Variants in NDUFAF5 observed in about 807,000 individuals in gnomAD.
The protein encoded by NDUFAF5 is NADH:ubiquinone oxidoreductase complex assembly factor 5, also known as arginine-hydroxylase NDUFAF5, mitochondrial.
NDUFAF5 carries 34 observed loss-of-function variants against 48.9 expected under a neutral mutation model. The observed-to-expected ratio is 0.70, with a 90% confidence interval of 0.53 to 0.93. The LOEUF is 0.93. Ranked by LOEUF, NDUFAF5 falls within the 40% of genes least tolerant of loss-of-function variation. The pLI, the probability that NDUFAF5 is intolerant of heterozygous loss-of-function variation, is 0.00. For missense variants in NDUFAF5, 428 were observed against 427.5 expected (o/e 1.00, Z -0.01); for synonymous variants, 153 against 150.6 (o/e 1.02, Z -0.12).
Position 13,794,870 on chromosome 20 carries a change from C to A in NDUFAF5, c.408C>A (p.Val136=), listed in dbSNP as rs777268943. The A allele has an allele frequency of 1.3e-5, 21 of 1,612,826 alleles. No homozygotes were observed. Among genetic ancestry groups the A allele is most frequent in the African/African-American group, 1.3e-5 (1 of 74,904 alleles). The change falls in exon 5 of 11, where the codon GTC becomes GTA. Residue 136 remains valine (V), a synonymous_variant. Transcript: ENST00000378106. ...KNSSETEIPT[V]SVLADEEFLP... Reference sequence around the variant, plus strand: ...CCTCAGAAACAGAAATACCTACTGTCAGCGTTTTAGCTGATGAAGAATTCC... The same window carrying A: ...CCTCAGAAACAGAAATACCTACTGTAAGCGTTTTAGCTGATGAAGAATTCC...
intron 7 of NDUFAF5, among the ~76,000 whole-genome samples, chr20:13,803,788 A>G (rs1984573124): frequency 6.6e-6 from 1 of 151,768 alleles, no homozygotes; most frequent in African/African-American, 2.4e-5. Flanking sequence ...ATTTTCTTTT[A>G]ATTTTTTTTT....
At chr20:13,815,160 A>C (rs776758229) in intron 8 of NDUFAF5, among the ~76,000 whole-genome samples, 16 of 152,206 alleles carry the variant, frequency 1.1e-4, no homozygotes, top group Non-Finnish European at 2.2e-4. Flanking sequence ...CTAATGCATA[A>C]TTAAGCCATA....
At chr20:13,804,518 A>G (rs1382902580) in intron 7 of NDUFAF5, among the ~76,000 whole-genome samples, 1 of 152,040 alleles carries the variant, frequency 6.6e-6, no homozygotes. Flanking sequence ...TGTATTTCCA[A>G]TATACTGTTA....
Position 13,803,084 on chromosome 20 carries a change from G to T in NDUFAF5, c.717+1401G>T, listed in dbSNP as rs937141866. The T allele has an allele frequency of 2.0e-5, 3 of 152,216 alleles. No homozygotes were observed. In the South Asian group the frequency reaches 6.2e-4, roughly 31 times the overall value. The allele number at this position is 152,216 out of a possible 1,614,324, so 9.4% of individuals were successfully genotyped here. ...AAATAGCTGTTTGGCATGATTTTGT[G>T]TGAATATATTCATGAAATCAACCAA... On this transcript the variant is annotated intron_variant, in intron 7 of 10. Transcript: ENST00000378106.
chr20:13,791,354 A>G (rs886866419), intron 3 of NDUFAF5, among the ~76,000 whole-genome samples: 2 of 152,200 alleles, frequency 1.3e-5, no homozygotes, highest in African/African-American at 4.8e-5. Context: ...AAATATGATC[A>G]ATAATACCCA....
intron 7 of NDUFAF5, among the ~76,000 whole-genome samples, chr20:13,806,527 A>T (rs535726009): frequency 1.2e-4 from 19 of 152,182 alleles, no homozygotes; most frequent in East Asian, 7.7e-4. Flanking sequence ...AAAATAAAAT[A>T]AAAAAAATGG....
intron 6 of NDUFAF5, among the ~76,000 whole-genome samples, chr20:13,799,832 G>C (rs186155259): frequency 2.0e-3 from 301 of 152,180 alleles, no homozygotes; most frequent in South Asian, 3.9e-3. Flanking sequence ...GAGTATTTAG[G>C]ACTCTACAAG....
chr20:13,801,675 C>G lies in NDUFAF5; in HGVS notation c.709C>G (p.Leu237Val). 6.2e-7 allele frequency: 1 copy of G among 1,613,486 alleles called. No homozygotes were observed. Among genetic ancestry groups the G allele is most frequent in the South Asian group, 1.1e-5 (1 of 91,068 alleles). Residue 237 changes from leucine to valine, a missense_variant, in exon 7 of 11, where the codon CTG becomes GTG. Leu to Val is a conservative substitution (Grantham distance 32). Coordinates refer to ENST00000378106, the MANE Select transcript of NDUFAF5 (RefSeq NM_024120.5). ...HLLGRAGFNT[L>V]TVDTDEIQVN... ...GCTTGGGAGAGCTGGCTTTAATACTCTGACTGTGGTAACTATCAAGTTCGA... is the reference window on the plus strand; with the variant it reads ...GCTTGGGAGAGCTGGCTTTAATACTGTGACTGTGGTAACTATCAAGTTCGA...
In NDUFAF5 at chr20:13,821,071, A is replaced by G. The variant is rs542640093; in HGVS notation, c.*3861A>G. The G allele has an allele frequency of 2.9e-4, 44 of 152,240 alleles. No individual in the cohort carries two copies. The highest frequency in any genetic ancestry group is 8.5e-4 in the Admixed American group (13 of 15,272). 9.4% of individuals were successfully genotyped at this position (152,240 alleles called of 1,614,324 possible). On this transcript the variant is annotated 3_prime_UTR_variant, in exon 11 of 11. Coordinates refer to ENST00000378106, the MANE Select transcript of NDUFAF5 (RefSeq NM_024120.5). Reference sequence around the variant, plus strand: ...TAAAAAACATCAATTTGAAAATACTAGAAGGTGGGGTGAACACTGATAAGT... The same window carrying G: ...TAAAAAACATCAATTTGAAAATACTGGAAGGTGGGGTGAACACTGATAAGT...
intron 8 of NDUFAF5, among the ~76,000 whole-genome samples, chr20:13,812,053 C>A (rs1985936657): frequency 6.6e-6 from 1 of 152,164 alleles, no homozygotes; most frequent in South Asian, 2.1e-4. Flanking sequence ...ATAATTAGGG[C>A]CAAAGAGAAC....
In NDUFAF5 at chr20:13,818,326, ATTG is replaced by A. The variant is rs1484507874; in HGVS notation, c.*1119_*1121del. ...AAGATTTGTAGGAGAAAAAGAAATT[ATTG>A]TTCCCTTCAGTTTGAAAAATCATCG... On this transcript the variant is annotated 3_prime_UTR_variant, in exon 11 of 11. Transcript: ENST00000378106. The A allele has an allele frequency of 2.4e-6, 1 of 425,238 alleles. No homozygotes were observed. The highest frequency in any genetic ancestry group is 4.7e-6 in the Non-Finnish European group (1 of 212,982). 26.3% of individuals were successfully genotyped at this position (425,238 alleles called of 1,614,324 possible). A position where few individuals can be genotyped will look rare whatever the true frequency, so the allele number is the denominator to read the frequency against.
chr20:13,801,796 C>A, intron 7 of NDUFAF5, 113 bp downstream of exon 7: 1 of 871,798 alleles, frequency 1.1e-6, no homozygotes, highest in Non-Finnish European at 1.8e-6. Flanking sequence ...TCTTTCTCTC[C>A]CTTTTTTTTT....
rs373583993 is a variant in NDUFAF5, at chr20:13,820,719, G to C, written c.*3509G>C. The C allele has an allele frequency of 6.6e-6, 1 of 151,968 alleles. No individual in the cohort carries two copies. Among genetic ancestry groups the C allele is most frequent in the African/African-American group, 2.4e-5 (1 of 41,352 alleles). The allele number at this position is 151,968 out of a possible 1,614,324, so 9.4% of individuals were successfully genotyped here. ...AAGAAAAAAAAAAAGTACAATTTTT[G>C]TATTGATTATGTATTCCTTAAGTAG... On this transcript the variant is annotated 3_prime_UTR_variant, in exon 11 of 11. Transcript: ENST00000378106.
intron 7 of NDUFAF5, among the ~76,000 whole-genome samples, chr20:13,808,126 A>G (rs1343326391): frequency 1.3e-5 from 2 of 152,104 alleles, no homozygotes; most frequent in Admixed American, 1.3e-4. Context: ...GTTCTATAAG[A>G]TCACCACAGC....
At chr20:13,791,418 G>A (rs79893226) in intron 3 of NDUFAF5, among the ~76,000 whole-genome samples, 5,446 of 152,306 alleles carry the variant, frequency 0.036, 142 homozygotes, top group African/African-American at 0.068. Context: ...TGTCAAAGGA[G>A]GCTATAGTTC....
At chr20:13,803,675 T>G (rs1303560145) in intron 7 of NDUFAF5, among the ~76,000 whole-genome samples, 1 of 152,236 alleles carries the variant, frequency 6.6e-6, no homozygotes, top group Non-Finnish European at 1.5e-5. Context: ...ATTCACTATA[T>G]TAGACATTAA....
chr20:13,785,182 C>A lies in NDUFAF5; in HGVS notation c.114C>A (p.Ser38Arg), dbSNP rs369277594. 61 of 1,613,770 alleles carry A rather than the reference C, an allele frequency of 3.8e-5. No individual in the cohort carries two copies. The highest frequency in any genetic ancestry group is 4.9e-5 in the Non-Finnish European group (58 of 1,179,898). ...CCTCTGGTGTCTCTCCCCGCGGTAGCACCTCGCCCAGAACCCTGAATATTT... is the reference window on the plus strand; with the variant it reads ...CCTCTGGTGTCTCTCCCCGCGGTAGAACCTCGCCCAGAACCCTGAATATTT... ...EVTSGVSPRG[S>R]TSPRTLNIFD... The change falls in exon 1 of 11, where the codon AGC (serine) becomes AGA (arginine). Residue 38 changes from serine to arginine, a missense_variant. Transcript: ENST00000378106.
chr20:13,816,622 A>G, intron 9 of NDUFAF5, 76 bp downstream of exon 9: 2 of 1,205,274 alleles, frequency 1.7e-6, no homozygotes, highest in Non-Finnish European at 2.5e-6. Flanking sequence ...TCACGTTGCC[A>G]ATGCATTTTC....
At chr20:13,803,798 TTG>T in intron 7 of NDUFAF5, among the ~76,000 whole-genome samples, 1 of 151,922 alleles carries the variant, frequency 6.6e-6, no homozygotes, top group African/African-American at 2.4e-5. Context: ...AATTTTTTTT[TTG>T]GGGGGGGGAC....
Sources: allele counts gnomAD v4.1 joint callset (sites outside exome capture counted in the v4.1 genomes callset), GRCh38; gene constraint gnomAD v4.1.1; transcripts MANE v1.5; gene names NCBI Gene and HGNC (gene_info 2026-07-23, HGNC 2026-07-21).